Variants in STPG2 observed in about 807,000 individuals in gnomAD.
STPG2 encodes sperm tail PG-rich repeat containing 2.
A neutral mutation model predicts 54.2 loss-of-function variants in STPG2; 56 were observed. The ratio of observed to expected loss-of-function variants is 1.03; its 90% CI spans 0.83 to 1.29. The LOEUF (loss-of-function observed/expected upper bound fraction) is 1.29. Ranked by LOEUF, STPG2 falls within the 50% of genes most tolerant of loss-of-function variation. The pLI is 0.00. For missense variants in STPG2, 596 were observed against 544.9 expected, an observed-to-expected ratio of 1.09 and a Z score of -0.93; for synonymous variants, 200 against 181.8, an observed-to-expected ratio of 1.10 and a Z score of -0.81.
At chr4:98,068,155 GC>G (rs1328755065) in intron 5 of STPG2, among the ~76,000 whole-genome samples, 1 of 152,214 alleles carries the variant, frequency 6.6e-6, no homozygotes, top group African/African-American at 2.4e-5. Context: ...CCACCACAGG[GC>G]CTTTGATGTT....
At chr4:97,779,765 G>A (rs1578556680) in intron 9 of STPG2, among the ~76,000 whole-genome samples, 2 of 152,156 alleles carry the variant, frequency 1.3e-5, no homozygotes, top group African/African-American at 4.8e-5. Context: ...GAAGAGAGTG[G>A]GGGCCAATAT....
intron 5 of STPG2, among the ~76,000 whole-genome samples, chr4:97,987,841 A>G (rs1004911035): frequency 2.0e-5 from 3 of 151,910 alleles, no homozygotes; most frequent in Non-Finnish European, 4.4e-5. Flanking sequence ...CTCTTACCTG[A>G]ATTATTTTAA....
chr4:97,798,083 A>G (rs1173486603), intron 9 of STPG2, among the ~76,000 whole-genome samples: 1 of 151,188 alleles, frequency 6.6e-6, no homozygotes, highest in Non-Finnish European at 1.5e-5. Context: ...TCTCTTCTTT[A>G]TTACTCTTGC....
intron 9 of STPG2, among the ~76,000 whole-genome samples, chr4:97,778,605 T>A (rs772169854): frequency 6.6e-6 from 1 of 152,140 alleles, no homozygotes; most frequent in South Asian, 2.1e-4. Flanking sequence ...AGCATGGAGT[T>A]TGAGATCACG....
chr4:97,951,499 T>A (rs1264861345), intron 7 of STPG2, among the ~76,000 whole-genome samples: 3 of 152,300 alleles, frequency 2.0e-5, no homozygotes, highest in East Asian at 1.9e-4. Flanking sequence ...TGTTTTTTTT[T>A]ATTTCTTTTT....
At chr4:97,777,860 A>T (rs1032448003) in intron 9 of STPG2, among the ~76,000 whole-genome samples, 2 of 152,192 alleles carry the variant, frequency 1.3e-5, no homozygotes, top group Admixed American at 1.3e-4. Context: ...TATATCTCTG[A>T]TAGAGTATCA....
chr4:97,812,139 T>C (rs1365992323), intron 9 of STPG2, among the ~76,000 whole-genome samples: 1 of 152,062 alleles, frequency 6.6e-6, no homozygotes, highest in Non-Finnish European at 1.5e-5. Context: ...AAATAAATAC[T>C]AATTTATTTC....
chr4:98,028,157 A>G (rs1736485775), intron 5 of STPG2, among the ~76,000 whole-genome samples: 1 of 152,212 alleles, frequency 6.6e-6, no homozygotes, highest in African/African-American at 2.4e-5. Context: ...AGATAATTCA[A>G]CCACAACCTC....
At chr4:97,541,369 A>T (rs1731701364) in intron 4 of STPG2, among the ~76,000 whole-genome samples, 1 of 152,186 alleles carries the variant, frequency 6.6e-6, no homozygotes, top group Non-Finnish European at 1.5e-5. Context: ...TCCCATTCAC[A>T]ATTGCTTCAA....
rs1040042810 is a variant in STPG2, at chr4:98,082,333, C to A, written c.612+23620G>T. On this transcript the variant is annotated intron_variant, in intron 5 of 10. Coordinates refer to ENST00000295268, the MANE Select transcript of STPG2 (RefSeq NM_174952.3). ...AAAGGAAATATGAGAAAAGTACTGCCACAGACAGGAGACCCAGAGCTGCAG... is the reference window on the plus strand; with the variant it reads ...AAAGGAAATATGAGAAAAGTACTGCAACAGACAGGAGACCCAGAGCTGCAG... Among the ~76,000 whole-genome samples, 6 of 143,724 alleles carry A rather than the reference C, an allele frequency of 4.2e-5. No homozygotes were observed. The South Asian group carries it at 9.1e-4, about 22-fold the overall frequency. The allele number at this position is 143,724 out of a possible 152,430, so 94.3% of individuals were successfully genotyped here. A position where few individuals can be genotyped will look rare whatever the true frequency, so the allele number is the denominator to read the frequency against.
intron 9 of STPG2, among the ~76,000 whole-genome samples, chr4:97,762,205 C>T (rs1725909762): frequency 6.6e-6 from 1 of 152,094 alleles, no homozygotes; most frequent in African/African-American, 2.4e-5. Flanking sequence ...ATATATATTT[C>T]CAAAGATCTT....
At chr4:98,135,203 G>A (rs4699330) in intron 1 of STPG2, among the ~76,000 whole-genome samples, 59,669 of 151,218 alleles carry the variant, frequency 0.39, 11,956 homozygotes, top group Middle Eastern at 0.46. Flanking sequence ...CAAAACTTTT[G>A]CACTAAATCT....
chr4:97,641,225 C>T (rs915984053), intron 10 of STPG2, among the ~76,000 whole-genome samples: 12 of 151,222 alleles, frequency 7.9e-5, no homozygotes, highest in Admixed American at 2.0e-4. Context: ...TGTAAAAAAC[C>T]TAAGGAATAT....
At chr4:97,510,613 G>C (rs1300938810) in intron 4 of STPG2, among the ~76,000 whole-genome samples, 1 of 152,124 alleles carries the variant, frequency 6.6e-6, no homozygotes, top group East Asian at 1.9e-4. Flanking sequence ...TCCATGGACT[G>C]GGGGTGGGAG....
intron 10 of STPG2, among the ~76,000 whole-genome samples, chr4:97,644,513 TTTA>T (rs1207106489): frequency 6.6e-6 from 1 of 151,976 alleles, no homozygotes; most frequent in African/African-American, 2.4e-5. Flanking sequence ...GGAGGAATGT[TTTA>T]TTATTTGATC....
intron 9 of STPG2, among the ~76,000 whole-genome samples, chr4:97,760,225 C>T (rs533002969): frequency 5.9e-5 from 9 of 152,270 alleles, no homozygotes; most frequent in Admixed American, 2.0e-4. Context: ...CAGATTTCCC[C>T]ACTGGACTAA....
At position 97,930,359 on chromosome 4, in the gene STPG2, T is replaced by C. The variant is rs74876843; in HGVS notation, c.1044+13538A>G. On this transcript the variant is annotated intron_variant, in intron 8 of 10. Coordinates refer to ENST00000295268, the MANE Select transcript of STPG2 (RefSeq NM_174952.3). ...ATCTTGAGTTGTTTTCTGTATATGG[T>C]ATAAAAAGGGGGTCCAGCTTCATTC... Among the ~76,000 whole-genome samples, 1,487 of 152,322 alleles carry C rather than the reference T, an allele frequency of 9.8e-3. 28 individuals are homozygous for C. Among genetic ancestry groups the C allele is most frequent in the African/African-American group, 0.034 (1,400 of 41,568 alleles).
At chr4:97,850,323 T>TAAATAAATAAAG (rs1560553605) in intron 8 of STPG2, among the ~76,000 whole-genome samples, 1 of 130,958 alleles carries the variant, frequency 7.6e-6, no homozygotes, top group Non-Finnish European at 1.8e-5. Flanking sequence ...AATAAATAAA[T>TAAATAAATAAAG]AAAGAAGTAG....
intron 4 of STPG2, among the ~76,000 whole-genome samples, chr4:97,489,347 T>C (rs1730448271): frequency 6.6e-6 from 1 of 151,782 alleles, no homozygotes; most frequent in African/African-American, 2.4e-5. Flanking sequence ...AGTAGAAATA[T>C]CAGGCATCTG....
Sources: gnomAD v4.1 joint callset for allele counts (sites outside exome capture counted in the v4.1 genomes callset) on GRCh38, gnomAD v4.1.1 for gene constraint, MANE v1.5 for transcripts, NCBI Gene and HGNC (gene_info 2026-07-23, HGNC 2026-07-21) for gene names.